TXNL4A: variants seen among roughly 807,000 people sequenced by gnomAD.
TXNL4A encodes the protein thioredoxin like 4A.
Under a neutral mutation model 14.6 loss-of-function variants are expected in TXNL4A, and 17 were observed. The observed-to-expected ratio is 1.16, with a 90% CI of 0.80 to 1.74. The LOEUF (loss-of-function observed/expected upper bound fraction) is 1.74. TXNL4A is among the 40% of genes most tolerant of loss of function. The pLI is 0.00. For synonymous variants in TXNL4A, 83 were observed against 70.6 expected (o/e 1.18, Z -0.88); for missense variants, 74 against 195.2 (o/e 0.38, Z 3.70).
chr18:80,033,592 C>T (rs1208726051), intron 1 of TXNL4A, among the ~76,000 whole-genome samples: 1 of 152,270 alleles, frequency 6.6e-6, no homozygotes, highest in Admixed American at 6.5e-5. Context: ...CCGCCGACAG[C>T]GGCCCTGCCC....
intron 1 of TXNL4A, among the ~76,000 whole-genome samples, chr18:80,018,404 G>T (rs376431657): frequency 6.6e-6 from 1 of 151,990 alleles, no homozygotes; most frequent in Non-Finnish European, 1.5e-5. Context: ...AAATTGACAC[G>T]CTAACATCGC....
At chr18:80,008,099 C>T (rs938221632) in intron 1 of TXNL4A, among the ~76,000 whole-genome samples, 24 of 152,138 alleles carry the variant, frequency 1.6e-4, no homozygotes, top group Admixed American at 1.5e-3. Flanking sequence ...TTGTAATGAG[C>T]CGTGACTGCA....
chr18:80,009,368 T>C (rs11081583), intron 1 of TXNL4A, among the ~76,000 whole-genome samples: 113,771 of 152,002 alleles, frequency 0.75, 43,615 homozygotes, highest in East Asian at 0.91. Context: ...TCACGGGGCG[T>C]TTATCCTCCG....
chr18:80,022,432 T>C (rs938468272), intron 1 of TXNL4A, among the ~76,000 whole-genome samples: 2 of 152,260 alleles, frequency 1.3e-5, no homozygotes, highest in Non-Finnish European at 1.5e-5. Context: ...AGAAAACCTG[T>C]ACACTGGGAA....
At chr18:80,010,083 CACCAAGA>C (rs1453482237) in intron 1 of TXNL4A, among the ~76,000 whole-genome samples, 1 of 152,182 alleles carries the variant, frequency 6.6e-6, no homozygotes, top group Non-Finnish European at 1.5e-5. Context: ...TTACGCAATG[CACCAAGA>C]TGTAACAGTT....
At chr18:79,994,967 G>A in intron 1 of TXNL4A, 1 of 152,350 alleles carries the variant, frequency 6.6e-6, no homozygotes, top group Non-Finnish European at 1.5e-5. Context: ...ATCGCCAGTG[G>A]CAGCCTCTCA....
At chr18:80,001,677 C>T (rs2051699284) in intron 1 of TXNL4A, among the ~76,000 whole-genome samples, 1 of 152,194 alleles carries the variant, frequency 6.6e-6, no homozygotes, top group African/African-American at 2.4e-5. Flanking sequence ...TTAATGACTG[C>T]CCCACTGGAT....
chr18:80,026,800 C>A (rs1311665950), intron 1 of TXNL4A, among the ~76,000 whole-genome samples: 1 of 152,122 alleles, frequency 6.6e-6, no homozygotes, highest in Non-Finnish European at 1.5e-5. Context: ...TCCTCAACAT[C>A]CATAATGCCG....
chr18:79,990,550 A>G (rs1378626440), upstream of TXNL4A, among the ~76,000 whole-genome samples: 1 of 152,218 alleles, frequency 6.6e-6, no homozygotes, highest in African/African-American at 2.4e-5. Flanking sequence ...ATTGCCTTCT[A>G]AAAAATTCCT....
rs1236248678 is a variant in TXNL4A, at chr18:79,977,595, T to C, written c.257+3A>G. The C allele has an allele frequency of 8.2e-6, 13 of 1,594,404 alleles. No homozygotes were observed. The highest frequency in any genetic ancestry group is 1.1e-5 in the Non-Finnish European group (13 of 1,169,014). On this transcript the variant is annotated splice_donor_region_variant and intron_variant, in intron 2 of 2. Transcript: ENST00000269601. Reference sequence around the variant, plus strand: ...TTTCAGTAACAACTTTAAGATAACGTACCTGAAGAAAAACATGACAGTACA... The same window carrying C: ...TTTCAGTAACAACTTTAAGATAACGCACCTGAAGAAAAACATGACAGTACA...
chr18:79,997,110 C>G (rs974994993), intron 1 of TXNL4A, among the ~76,000 whole-genome samples: 9 of 152,104 alleles, frequency 5.9e-5, no homozygotes, highest in Admixed American at 3.3e-4. Context: ...TTAGCTTCCC[C>G]AGTCTTCCTG....
At position 79,994,535 on chromosome 18, in the gene TXNL4A, C is replaced by A. The variant is rs147949440; in HGVS notation, c.-60-16834G>T. ...TCTAATCGTTTTATCTCTCTTAAAGCAATCCTCCCAGGGGAAAGATCACCT... is the reference window on the plus strand; with the variant it reads ...TCTAATCGTTTTATCTCTCTTAAAGAAATCCTCCCAGGGGAAAGATCACCT... On this transcript the variant is annotated intron_variant, in intron 1 of 2. Transcript: ENST00000585474. Among the ~76,000 whole-genome samples the A allele has an allele frequency of 3.4e-4, 48 of 139,806 alleles. No individual in the cohort carries two copies. In the East Asian group the frequency reaches 8.3e-3, roughly 24 times the overall value. 91.7% of individuals were successfully genotyped at this position (139,806 alleles called of 152,430 possible).
chr18:80,029,255 C>T (rs1213098597), intron 1 of TXNL4A, among the ~76,000 whole-genome samples: 2 of 152,144 alleles, frequency 1.3e-5, no homozygotes, highest in Non-Finnish European at 2.9e-5. Context: ...TACTGGAAAC[C>T]ATCCTTCACA....
chr18:80,007,402 G>A (rs1299773099), intron 1 of TXNL4A, among the ~76,000 whole-genome samples: 4 of 152,188 alleles, frequency 2.6e-5, no homozygotes, highest in Non-Finnish European at 5.9e-5. Context: ...CAGGGGTGTC[G>A]TGCAGAGAGA....
intron 1 of TXNL4A, among the ~76,000 whole-genome samples, chr18:80,027,221 C>T (rs189693875): frequency 1.8e-4 from 28 of 152,094 alleles, no homozygotes; most frequent in Admixed American, 7.2e-4. Context: ...TAGAGGAAGC[C>T]ATAGATGGAA....
rs2051319094 is a variant in TXNL4A, at chr18:79,972,863, C to T, written c.*822G>A. 1 of 152,188 alleles carries T rather than the reference C, an allele frequency of 6.6e-6. No individual in the cohort carries two copies. The allele number at this position is 152,188 out of a possible 1,614,324, so 9.4% of individuals were successfully genotyped here. On this transcript the variant is annotated 3_prime_UTR_variant, in exon 3 of 3. Coordinates refer to ENST00000269601, the MANE Select transcript of TXNL4A (RefSeq NM_006701.5). ...CTTGGGAAGAATAAAAAATAGCTCT[C>T]CTATTCCTTACAGGGAAGGCTATAA...
chr18:80,003,638 A>G (rs1404825103), intron 1 of TXNL4A, among the ~76,000 whole-genome samples: 3 of 152,196 alleles, frequency 2.0e-5, no homozygotes, highest in African/African-American at 7.2e-5. Flanking sequence ...GAAATATTTT[A>G]AAAGCTACTT....
chr18:80,001,040 T>C (rs1244738818), intron 1 of TXNL4A, among the ~76,000 whole-genome samples: 1 of 152,178 alleles, frequency 6.6e-6, no homozygotes, highest in Non-Finnish European at 1.5e-5. Context: ...GGAGGCCTAG[T>C]AGGAAAAAAT....
intron 1 of TXNL4A, among the ~76,000 whole-genome samples, chr18:80,008,430 C>T (rs2051746991): frequency 6.6e-6 from 1 of 152,164 alleles, no homozygotes; most frequent in African/African-American, 2.4e-5. Context: ...TTCCTCTTCT[C>T]ATGCCTGGTC....
Sources: gnomAD v4.1 joint callset for allele counts (sites outside exome capture counted in the v4.1 genomes callset) on GRCh38, gnomAD v4.1.1 for gene constraint, MANE v1.5 for transcripts, NCBI Gene and HGNC (gene_info 2026-07-23, HGNC 2026-07-21) for gene names.